Variants in OLFM2 observed in about 807,000 individuals in gnomAD.
The protein encoded by OLFM2 is noelin-2.
OLFM2 carries 20 observed loss-of-function variants against 43.9 expected under a neutral mutation model. That is an observed-to-expected ratio of 0.46 (90% CI 0.32 to 0.66). OLFM2 has a LOEUF of 0.66. Among genes scored for constraint, OLFM2 ranks in the 30% least tolerant of loss-of-function variants. OLFM2 has a pLI of 0.04. For synonymous variants in OLFM2, 268 were observed against 278.6 expected (o/e 0.96, Z 0.38); for missense variants, 416 against 643.6 (o/e 0.65, Z 3.83).
intron 1 of OLFM2, among the ~76,000 whole-genome samples, chr19:9,911,869 G>A (rs1198768188): frequency 1.3e-5 from 2 of 152,232 alleles, no homozygotes; most frequent in East Asian, 3.9e-4. Context: ...AGATGGCAAC[G>A]GCAAGAAGCC....
intron 1 of OLFM2, among the ~76,000 whole-genome samples, chr19:9,911,910 T>G (rs1040447867): frequency 2.0e-5 from 3 of 152,180 alleles, no homozygotes; most frequent in African/African-American, 7.2e-5. Flanking sequence ...CAAACTCATA[T>G]GCACACATGC....
intron 1 of OLFM2, among the ~76,000 whole-genome samples, chr19:9,900,970 G>GGAAGGAA (rs1568380477): frequency 2.2e-5 from 1 of 45,920 alleles, no homozygotes. Context: ...AAGGAAGGAA[G>GGAAGGAA]GAAGGAAGGA....
intron 1 of OLFM2, among the ~76,000 whole-genome samples, chr19:9,904,317 C>A (rs1428547564): frequency 6.6e-6 from 1 of 151,704 alleles, no homozygotes; most frequent in African/African-American, 2.4e-5. Context: ...CAGCCTCCCA[C>A]GTAGCTGGGA....
At chr19:9,926,223 T>C (rs1599503988) in intron 1 of OLFM2, among the ~76,000 whole-genome samples, 1 of 152,060 alleles carries the variant, frequency 6.6e-6, no homozygotes, top group African/African-American at 2.4e-5. Context: ...AAATGTGGTA[T>C]ATCCATACAT....
intron 2 of OLFM2, among the ~76,000 whole-genome samples, chr19:9,859,467 C>T (rs2046350182): frequency 1.3e-5 from 2 of 152,168 alleles, no homozygotes; most frequent in African/African-American, 4.8e-5. Flanking sequence ...CAGGCACACA[C>T]CACCACGCCC....
chr19:9,858,384 C>T (rs1205044590), intron 2 of OLFM2, among the ~76,000 whole-genome samples: 5 of 152,122 alleles, frequency 3.3e-5, no homozygotes, highest in Non-Finnish European at 5.9e-5. Flanking sequence ...GGGTTCAGCT[C>T]CAGCGTCCCC....
At chr19:9,913,473 G>T in intron 1 of OLFM2, 1 of 1,075,982 alleles carries the variant, frequency 9.3e-7, no homozygotes, top group African/African-American at 1.7e-5. Flanking sequence ...CCCGCGCGGC[G>T]GCCACTCACG....
At position 9,913,866 on chromosome 19, in the gene OLFM2, C is replaced by G. The variant is rs964646610; in HGVS notation, c.63+22438G>C. On this transcript the variant is annotated intron_variant, in intron 1 of 5. Transcript: ENST00000264833. ...GGGCCCCCGCCCCCTCCCGCGCCTC[C>G]GCGCCGGGCACTTCCAGCCGCCGTG... is the stretch of plus-strand genomic sequence containing the variant. 1.6e-4 allele frequency: 28 copies of G among 179,924 alleles called. No homozygotes were observed. In the East Asian group the frequency reaches 5.0e-3, roughly 32 times the overall value. The allele number at this position is 179,924 out of a possible 1,614,324, so 11.1% of individuals were successfully genotyped here.
At chr19:9,926,424 C>T (rs1233691357) in intron 1 of OLFM2, among the ~76,000 whole-genome samples, 4 of 151,846 alleles carry the variant, frequency 2.6e-5, no homozygotes, top group Admixed American at 1.3e-4. Flanking sequence ...TGGTGGCGGC[C>T]GCCTGTAGTC....
At chr19:9,883,150 A>C (rs2046555209) in intron 1 of OLFM2, among the ~76,000 whole-genome samples, 1 of 150,814 alleles carries the variant, frequency 6.6e-6, no homozygotes, top group Non-Finnish European at 1.5e-5. Context: ...TGGAGGTTAC[A>C]GTGAGCCGAG....
At chr19:9,914,910 G>A (rs1024384397) in intron 1 of OLFM2, among the ~76,000 whole-genome samples, 118 of 152,132 alleles carry the variant, frequency 7.8e-4, no homozygotes, top group African/African-American at 2.8e-3. Flanking sequence ...CGATGACTCA[G>A]GCCTTTCCAG....
chr19:9,906,381 G>A (rs573345776), intron 1 of OLFM2, among the ~76,000 whole-genome samples: 1 of 152,134 alleles, frequency 6.6e-6, no homozygotes, highest in Non-Finnish European at 1.5e-5. Context: ...TCCCTTTATC[G>A]AAGGACACCA....
intron 1 of OLFM2, among the ~76,000 whole-genome samples, chr19:9,919,176 C>CTTTTTTT (rs36124685): frequency 2.3e-4 from 35 of 149,262 alleles, no homozygotes; most frequent in South Asian, 2.1e-3. Context: ...ATTTCTCTCT[C>CTTTTTTT]TTTTTTTTGA....
chr19:9,879,643 T>C (rs1265388124), intron 1 of OLFM2, among the ~76,000 whole-genome samples: 1 of 150,034 alleles, frequency 6.7e-6, no homozygotes, highest in Non-Finnish European at 1.5e-5. Context: ...AGGTATTTCT[T>C]TATAGCAGTA....
In OLFM2 at chr19:9,908,004, C is replaced by CA. The variant is rs964087469; in HGVS notation, c.63+28299dup. Among the ~76,000 whole-genome samples, 62 of 149,208 alleles carry CA rather than the reference C, an allele frequency of 4.2e-4. 2 individuals carry two copies. The South Asian group carries it at 0.011, about 26-fold the overall frequency. Reference sequence around the variant, plus strand: ...TGGGCAACAGGGTGAGACTTGATCTCAAAAAAAAATAAAATAAAATTTAAA... The same window carrying CA: ...TGGGCAACAGGGTGAGACTTGATCTCAAAAAAAAAATAAAATAAAATTTAAA... On this transcript the variant is annotated intron_variant, in intron 1 of 5. Transcript: ENST00000264833.
intron 1 of OLFM2, among the ~76,000 whole-genome samples, chr19:9,888,023 C>T (rs977034979): frequency 3.9e-5 from 6 of 151,968 alleles, no homozygotes; most frequent in South Asian, 2.1e-4. Context: ...CCCCAAGGCA[C>T]GTAACTCCTT....
At chr19:9,882,099 T>C (rs8106683) in intron 1 of OLFM2, among the ~76,000 whole-genome samples, 139,592 of 151,984 alleles carry the variant, frequency 0.92, 64,918 homozygotes, top group Non-Finnish European at 1. Flanking sequence ...ATTAGCCAGG[T>C]GTGGTGGCTC....
At chr19:9,873,314 A>G (rs2046458550) in intron 1 of OLFM2, among the ~76,000 whole-genome samples, 1 of 151,874 alleles carries the variant, frequency 6.6e-6, no homozygotes, top group Non-Finnish European at 1.5e-5. Flanking sequence ...CCACCACGCC[A>G]GGCTAATTTT....
chr19:9,881,342 A>T (rs558760775), intron 1 of OLFM2, among the ~76,000 whole-genome samples: 39 of 152,150 alleles, frequency 2.6e-4, no homozygotes, highest in Non-Finnish European at 5.3e-4. Context: ...CTATACAGTG[A>T]TGCCCTATAC....
Sources: gnomAD v4.1 joint callset for allele counts (sites outside exome capture counted in the v4.1 genomes callset) on GRCh38, gnomAD v4.1.1 for gene constraint, MANE v1.5 for transcripts, NCBI Gene and HGNC (gene_info 2026-07-23, HGNC 2026-07-21) for gene names.